Variants in HSPBAP1 observed in about 807,000 individuals in gnomAD.
HSPBAP1 encodes HSPB1 associated protein 1, also known as HSPB1-associated protein 1.
Under a neutral mutation model 45.2 loss-of-function variants are expected in HSPBAP1, and 27 were observed. That is an observed-to-expected ratio of 0.60 (90% CI 0.44 to 0.82). The LOEUF is 0.82. Ranked by LOEUF, HSPBAP1 falls within the 40% of genes least tolerant of loss-of-function variation. The probability of loss-of-function intolerance (pLI) is 0.00; values close to 1 mark genes in which losing one functional copy is unlikely to be tolerated. For missense variants in HSPBAP1, 510 were observed against 590.9 expected (o/e 0.86, Z 1.42); for synonymous variants, 204 against 202.7 (o/e 1.01, Z -0.06).
At chr3:122,750,577 T>C (rs1230151996) in intron 6 of HSPBAP1, among the ~76,000 whole-genome samples, 4 of 146,370 alleles carry the variant, frequency 2.7e-5, no homozygotes, top group Non-Finnish European at 4.6e-5. Context: ...TCTCACATTC[T>C]AGCTACATCA....
intron 1 of HSPBAP1, among the ~76,000 whole-genome samples, chr3:122,783,376 G>A (rs1935553504): frequency 6.6e-6 from 1 of 152,172 alleles, no homozygotes; most frequent in South Asian, 2.1e-4. Context: ...TGGACTTGAT[G>A]TGCCTGGATT....
At chr3:122,768,920 A>C in intron 2 of HSPBAP1, 38 bp from the exon 3 acceptor site, 1 of 1,242,014 alleles carries the variant, frequency 8.1e-7, no homozygotes, top group Non-Finnish European at 1.1e-6. Context: ...ATGTATAATG[A>C]ACACATTTCC....
At chr3:122,787,597 T>C (rs1560172094) in intron 1 of HSPBAP1, among the ~76,000 whole-genome samples, 1 of 152,212 alleles carries the variant, frequency 6.6e-6, no homozygotes. Context: ...ACTATAATGA[T>C]ACAGCATGAA....
chr3:122,778,215 G>GTTTTTTT (rs1285690466), intron 1 of HSPBAP1, among the ~76,000 whole-genome samples: 1 of 42,678 alleles, frequency 2.3e-5, no homozygotes, highest in Non-Finnish European at 8.2e-5. Flanking sequence ...AGTTTTTTTT[G>GTTTTTTT]TTGTTTTTTT....
chr3:122,774,546 C>T (rs1935122125), intron 2 of HSPBAP1, among the ~76,000 whole-genome samples: 6 of 152,090 alleles, frequency 3.9e-5, no homozygotes, highest in East Asian at 1.9e-4. Context: ...TTAGCCTAAG[C>T]GTAACTGGAA....
chr3:122,774,188 C>T (rs1935108904), intron 2 of HSPBAP1, among the ~76,000 whole-genome samples: 2 of 152,206 alleles, frequency 1.3e-5, no homozygotes, highest in African/African-American at 4.8e-5. Context: ...GGTAATTATA[C>T]AACCATGTGA....
At chr3:122,764,729 T>C (rs1324369453) in intron 3 of HSPBAP1, among the ~76,000 whole-genome samples, 1 of 152,200 alleles carries the variant, frequency 6.6e-6, no homozygotes, top group South Asian at 2.1e-4. Context: ...TTTGTGACAG[T>C]ACAAAACAAA....
intron 1 of HSPBAP1, 72 bp downstream of exon 1, chr3:122,793,545 C>A: frequency 7.0e-7 from 1 of 1,421,162 alleles, no homozygotes; most frequent in Non-Finnish European, 9.9e-7. Context: ...GCAAACGGCC[C>A]CACGAGGGGT....
chr3:122,780,838 C>T (rs1350789519), intron 1 of HSPBAP1, among the ~76,000 whole-genome samples: 1,544 of 97,666 alleles, frequency 0.016, no homozygotes, highest in African/African-American at 0.019. Flanking sequence ...ACTTCTCAGA[C>T]GGGGCGGCCG....
chr3:122,740,965 G>T (rs1197687821), intron 7 of HSPBAP1, 38 bp downstream of exon 7: 1 of 1,605,904 alleles, frequency 6.2e-7, no homozygotes, highest in Admixed American at 1.7e-5. Context: ...TTTACCACAG[G>T]AAACTAACTG....
chr3:122,787,206 T>C (rs987869487), intron 1 of HSPBAP1, among the ~76,000 whole-genome samples: 2 of 152,250 alleles, frequency 1.3e-5, no homozygotes, highest in Non-Finnish European at 2.9e-5. Flanking sequence ...GTCAATTTAT[T>C]ACAGCCTGAG....
chr3:122,764,057 TG>T (rs1364910936), intron 3 of HSPBAP1, among the ~76,000 whole-genome samples: 1 of 152,278 alleles, frequency 6.6e-6, no homozygotes, highest in Non-Finnish European at 1.5e-5. Context: ...CATATCCATC[TG>T]TCCCTTGCCT....
intron 3 of HSPBAP1, among the ~76,000 whole-genome samples, chr3:122,763,069 T>C (rs1234126119): frequency 6.6e-6 from 1 of 152,264 alleles, no homozygotes; most frequent in Non-Finnish European, 1.5e-5. Context: ...GATTATTATA[T>C]CAGCTTGGTG....
intron 1 of HSPBAP1, among the ~76,000 whole-genome samples, chr3:122,778,221 T>TTTG (rs1560155544): frequency 2.0e-5 from 3 of 151,254 alleles, no homozygotes; most frequent in Non-Finnish European, 4.4e-5. Flanking sequence ...TTTTGTTGTT[T>TTTG]TTTTTTTTTA....
intron 6 of HSPBAP1, among the ~76,000 whole-genome samples, chr3:122,748,174 TTGAAGGCAGCGTGCTCG>T (rs1479009500): frequency 6.6e-5 from 10 of 150,664 alleles, no homozygotes; most frequent in Admixed American, 2.0e-4. Flanking sequence ...AAACAGACGC[TTGAAGGCAGCGTGCTCG>T]TTGAGAGTCA....
chr3:122,771,173 G>A (rs1934980544), intron 2 of HSPBAP1, among the ~76,000 whole-genome samples: 1 of 152,108 alleles, frequency 6.6e-6, no homozygotes, highest in Non-Finnish European at 1.5e-5. Flanking sequence ...TGGAATGAAT[G>A]GAAATGACAG....
At chr3:122,793,530 C>T (rs1219964289) in intron 1 of HSPBAP1, 87 bp downstream of exon 1, 2 of 1,197,372 alleles carry the variant, frequency 1.7e-6, no homozygotes, top group Non-Finnish European at 2.5e-6. Context: ...TGGGTTGGGG[C>T]TAAGGCAAAC....
chr3:122,754,739 T>C (rs1934281021), intron 5 of HSPBAP1: 2 of 985,524 alleles, frequency 2.0e-6, no homozygotes, highest in East Asian at 1.1e-4. Flanking sequence ...AGCAGCACTA[T>C]GTACAGTACC....
intron 1 of HSPBAP1, among the ~76,000 whole-genome samples, chr3:122,785,547 A>T (rs1398702571): frequency 6.6e-6 from 1 of 152,044 alleles, no homozygotes; most frequent in Non-Finnish European, 1.5e-5. Flanking sequence ...GTAATTTCTT[A>T]TCCACTGACT....
Sources: gnomAD v4.1 joint callset for allele counts (sites outside exome capture counted in the v4.1 genomes callset) on GRCh38, gnomAD v4.1.1 for gene constraint, MANE v1.5 for transcripts, NCBI Gene and HGNC (gene_info 2026-07-23, HGNC 2026-07-21) for gene names.